The following AEBP2 variants were observed in gnomAD, a reference collection of about 807,000 sequenced individuals.
AEBP2 encodes the protein AE binding protein 2.
AEBP2 carries 10 observed loss-of-function variants against 50.8 expected under a neutral mutation model. The ratio of observed to expected loss-of-function variants is 0.20; its 90% CI spans 0.12 to 0.33. The LOEUF is 0.33. Ranked by LOEUF, AEBP2 falls within the 10% of genes least tolerant of loss-of-function variation. The pLI is 1.00. For synonymous variants in AEBP2, 296 were observed against 261.3 expected (o/e 1.13, Z -1.28); for missense variants, 570 against 688.0 (o/e 0.83, Z 1.92).
At chr12:19,467,503 C>T (rs1592742473) in intron 2 of AEBP2, among the ~76,000 whole-genome samples, 3 of 151,960 alleles carry the variant, frequency 2.0e-5, no homozygotes, top group Non-Finnish European at 2.9e-5. Context: ...CATGTTGGCC[C>T]GCCTAGTCTC....
intron 1 of AEBP2, among the ~76,000 whole-genome samples, chr12:19,424,722 C>A (rs1371446090): frequency 6.6e-6 from 1 of 151,920 alleles, no homozygotes; most frequent in East Asian, 2.0e-4. Flanking sequence ...AAAAAAAGTA[C>A]CCTAGCTAGG....
chr12:19,494,076 C>A (rs1948933869), intron 4 of AEBP2, 90 bp downstream of exon 4: 1 of 1,367,686 alleles, frequency 7.3e-7, no homozygotes, highest in Non-Finnish European at 9.8e-7. Context: ...ACTTCAACTC[C>A]TCTTCTATTA....
At chr12:19,481,093 T>G (rs943548920) in intron 3 of AEBP2, among the ~76,000 whole-genome samples, 1 of 23,242 alleles carries the variant, frequency 4.3e-5, no homozygotes, top group African/African-American at 8.9e-5. Flanking sequence ...CAGTGCATCC[T>G]TTTTTTTTTT....
At chr12:19,464,021 A>C (rs1181637907) in intron 2 of AEBP2, among the ~76,000 whole-genome samples, 1 of 152,164 alleles carries the variant, frequency 6.6e-6, no homozygotes, top group Admixed American at 6.5e-5. Flanking sequence ...ATGTGTCAGC[A>C]GTTTTTTGAT....
chr12:19,503,913 C>T (rs896805904), intron 5 of AEBP2, among the ~76,000 whole-genome samples: 1 of 151,596 alleles, frequency 6.6e-6, no homozygotes. Flanking sequence ...CTCACTGTAG[C>T]CTCAATCTCC....
chr12:19,418,227 A>G (rs1442986710), intron 1 of AEBP2, among the ~76,000 whole-genome samples: 1 of 151,264 alleles, frequency 6.6e-6, no homozygotes, highest in African/African-American at 2.4e-5. Flanking sequence ...ACAGGTCTTT[A>G]TTTTATTTAT....
At chr12:19,454,568 A>G (rs1948231033) in intron 1 of AEBP2, among the ~76,000 whole-genome samples, 2 of 152,222 alleles carry the variant, frequency 1.3e-5, no homozygotes, top group Admixed American at 1.3e-4. Context: ...TTCATAGAAA[A>G]TTCTGAAATT....
intron 2 of AEBP2, among the ~76,000 whole-genome samples, chr12:19,465,131 G>C (rs565225924): frequency 3.0e-4 from 45 of 151,918 alleles, no homozygotes; most frequent in Non-Finnish European, 5.9e-4. Context: ...GCGGTGGCTC[G>C]TGCCTATAAT....
intron 1 of AEBP2, chr12:19,457,074 T>C (rs915004813): frequency 1.2e-6 from 2 of 1,606,032 alleles, no homozygotes; most frequent in African/African-American, 1.3e-5. Flanking sequence ...CAAATGCTTC[T>C]GTGTCGGGGT....
chr12:19,447,445 C>T (rs768847960), intron 1 of AEBP2, among the ~76,000 whole-genome samples: 4 of 152,170 alleles, frequency 2.6e-5, no homozygotes, highest in African/African-American at 7.2e-5. Context: ...TTATCTGTAG[C>T]ACCTGGCTAT....
intron 1 of AEBP2, among the ~76,000 whole-genome samples, chr12:19,458,169 C>T (rs984939631): frequency 6.6e-6 from 1 of 152,222 alleles, no homozygotes; most frequent in African/African-American, 2.4e-5. Flanking sequence ...AGGGTCCTGT[C>T]ACAATCAGAA....
At position 19,439,651 on chromosome 12, in the gene AEBP2, A is replaced by T; in HGVS notation, c.-49A>T. ...GGGGCGAGGGAGAGAGAGTCGAGAGAGGGAGGCGGCGGTGGGGAGGAGGAG... is the reference window on the plus strand; with the variant it reads ...GGGGCGAGGGAGAGAGAGTCGAGAGTGGGAGGCGGCGGTGGGGAGGAGGAG... On this transcript the variant is annotated 5_prime_UTR_variant, in exon 1 of 8. Coordinates refer to ENST00000266508, the MANE Select transcript of AEBP2 (RefSeq NM_153207.5). The T allele has an allele frequency of 1.3e-6, 2 of 1,488,036 alleles. No homozygotes were observed. Among genetic ancestry groups the T allele is most frequent in the Non-Finnish European group, 1.8e-6 (2 of 1,126,012 alleles). 92.2% of individuals were successfully genotyped at this position (1,488,036 alleles called of 1,614,324 possible). A position where few individuals can be genotyped will look rare whatever the true frequency, so the allele number is the denominator to read the frequency against.
intron 3 of AEBP2, among the ~76,000 whole-genome samples, chr12:19,478,057 T>A (rs891674928): frequency 6.6e-6 from 1 of 152,208 alleles, no homozygotes; most frequent in Non-Finnish European, 1.5e-5. Flanking sequence ...CTAATTGGGC[T>A]TATTTAGATA....
intron 1 of AEBP2, among the ~76,000 whole-genome samples, chr12:19,431,352 T>A (rs1008305738): frequency 6.6e-6 from 1 of 152,246 alleles, no homozygotes; most frequent in Admixed American, 6.5e-5. Flanking sequence ...TTGTGACTTG[T>A]ATGTTACAAT....
At chr12:19,412,538 A>C (rs925656117) in intron 1 of AEBP2, among the ~76,000 whole-genome samples, 5 of 152,078 alleles carry the variant, frequency 3.3e-5, no homozygotes, top group African/African-American at 1.2e-4. Context: ...TTGGTCTTCC[A>C]AAGTGCTGGG....
Position 19,439,684 on chromosome 12 carries a change from AG to A in AEBP2, c.-14del. 1 of 1,515,566 alleles carries A rather than the reference AG, an allele frequency of 6.6e-7. No individual in the cohort carries two copies. The highest frequency in any genetic ancestry group is 1.2e-5 in the South Asian group (1 of 83,042). 93.9% of individuals were successfully genotyped at this position (1,515,566 alleles called of 1,614,324 possible). A position where few individuals can be genotyped will look rare whatever the true frequency, so the allele number is the denominator to read the frequency against. On this transcript the variant is annotated 5_prime_UTR_variant, in exon 1 of 8. Transcript: ENST00000266508. ...GGCGGTGGGGAGGAGGAGGAGGAGG[AG>A]GAGCAGGCGCCGCCATGGCCGCCGC...
intron 5 of AEBP2, among the ~76,000 whole-genome samples, chr12:19,510,258 T>G (rs1949214293): frequency 6.6e-6 from 1 of 152,172 alleles, no homozygotes; most frequent in Non-Finnish European, 1.5e-5. Flanking sequence ...GGTAGGCACA[T>G]AAAGCAATGG....
At chr12:19,455,696 G>A (rs577862160) in intron 1 of AEBP2, among the ~76,000 whole-genome samples, 116 of 152,240 alleles carry the variant, frequency 7.6e-4, no homozygotes, top group South Asian at 2.9e-3. Context: ...ACAGTTGATC[G>A]CTCTAGCTGT....
intron 1 of AEBP2, among the ~76,000 whole-genome samples, chr12:19,427,490 T>C (rs1009078062): frequency 1.3e-5 from 2 of 151,998 alleles, no homozygotes; most frequent in Admixed American, 6.6e-5. Flanking sequence ...CTGGGACTTA[T>C]ACCAGTGACT....
Sources: allele counts gnomAD v4.1 joint callset (sites outside exome capture counted in the v4.1 genomes callset), GRCh38; gene constraint gnomAD v4.1.1; transcripts MANE v1.5; gene names NCBI Gene and HGNC (gene_info 2026-07-23, HGNC 2026-07-21).